Variants in ZFP3 observed in about 807,000 individuals in gnomAD.
ZFP3 encodes the protein zinc finger protein 3 homolog.
ZFP3 carries 18 observed loss-of-function variants against 36.7 expected under a neutral mutation model. The observed-to-expected ratio is 0.49, with a 90% confidence interval of 0.34 to 0.73. The LOEUF (loss-of-function observed/expected upper bound fraction) is 0.73. Among genes scored for constraint, ZFP3 ranks in the 30% least tolerant of loss-of-function variants. The pLI, the probability that ZFP3 is intolerant of heterozygous loss-of-function variation, is 0.01. For synonymous variants in ZFP3, 218 were observed against 199.0 expected, an observed-to-expected ratio of 1.10 and a Z score of -0.81; for missense variants, 495 against 599.0, an observed-to-expected ratio of 0.83 and a Z score of 1.81.
At chr17:5,086,608 A>C (rs1244568151) in intron 1 of ZFP3, among the ~76,000 whole-genome samples, 2 of 149,452 alleles carry the variant, frequency 1.3e-5, no homozygotes, top group Admixed American at 6.6e-5. Flanking sequence ...TTTTTTAAAG[A>C]AGCAGCAAAT....
rs2072174382 is a variant in ZFP3, at chr17:5,095,231, AG to A, written c.*2221del. The A allele has an allele frequency of 6.0e-6, 1 of 167,102 alleles. No individual in the cohort carries two copies. The highest frequency in any genetic ancestry group is 2.1e-4 in the South Asian group (1 of 4,830). 10.4% of individuals were successfully genotyped at this position (167,102 alleles called of 1,614,324 possible). On this transcript the variant is annotated 3_prime_UTR_variant, in exon 2 of 2. Coordinates refer to ENST00000318833, the MANE Select transcript of ZFP3 (RefSeq NM_153018.3). Reference sequence around the variant, plus strand: ...AGGTTTATATCCTTGGCTTGAGAAAAGGGTTGTACAAATAGATGATTGCAGA... The same window carrying A: ...AGGTTTATATCCTTGGCTTGAGAAAAGGTTGTACAAATAGATGATTGCAGA...
intron 1 of ZFP3, among the ~76,000 whole-genome samples, chr17:5,081,758 C>T (rs1050651801): frequency 2.0e-5 from 3 of 151,542 alleles, no homozygotes; most frequent in Admixed American, 6.6e-5. Context: ...CCTGCCACCA[C>T]GCCCGGCTAA....
At chr17:5,081,248 C>G (rs1264608330) in intron 1 of ZFP3, among the ~76,000 whole-genome samples, 4 of 152,018 alleles carry the variant, frequency 2.6e-5, no homozygotes, top group Non-Finnish European at 5.9e-5. Flanking sequence ...TGCCTTCCAC[C>G]ACACCTGGCT....
In ZFP3 at chr17:5,091,049, T is replaced by G. The variant is rs112457080; in HGVS notation, c.-8-448T>G. On this transcript the variant is annotated intron_variant, in intron 1 of 1. Coordinates refer to ENST00000318833, the MANE Select transcript of ZFP3 (RefSeq NM_153018.3). ...CCCTAGATGTTTTCTTTAATCACCTTCAGGTTCTAACCCAACTCACCGTTA... is the reference window on the plus strand; with the variant it reads ...CCCTAGATGTTTTCTTTAATCACCTGCAGGTTCTAACCCAACTCACCGTTA... 7.6e-3 allele frequency among the ~76,000 whole-genome samples: 1,161 copies of G among 152,272 alleles called. 19 individuals are homozygous for G. Among genetic ancestry groups the G allele is most frequent in the African/African-American group, 0.024 (1,008 of 41,552 alleles).
At position 5,080,535 on chromosome 17, in the gene ZFP3, CTCA is replaced by C. The variant is rs150260752; in HGVS notation, c.-9+1965_-9+1967del. Among the ~76,000 whole-genome samples the C allele has an allele frequency of 5.2e-3, 795 of 152,244 alleles. 10 individuals are homozygous for C. The highest frequency in any genetic ancestry group is 0.018 in the African/African-American group (739 of 41,516). ...GTTGACATCCAAAACATTTCCATTTCTCATCATAAATTTTAATGAGTTTCAAAG... is the reference window on the plus strand; with the variant it reads ...GTTGACATCCAAAACATTTCCATTTCTCATAAATTTTAATGAGTTTCAAAG... On this transcript the variant is annotated intron_variant, in intron 1 of 1. Coordinates refer to ENST00000318833, the MANE Select transcript of ZFP3 (RefSeq NM_153018.3).
At chr17:5,081,694 C>T (rs1022681505) in intron 1 of ZFP3, among the ~76,000 whole-genome samples, 4 of 151,140 alleles carry the variant, frequency 2.6e-5, no homozygotes, top group African/African-American at 7.3e-5. Flanking sequence ...CTCTGCCTCC[C>T]GGGTTCACGC....
intron 1 of ZFP3, among the ~76,000 whole-genome samples, chr17:5,086,229 T>G (rs563574826): frequency 2.0e-5 from 3 of 152,278 alleles, no homozygotes; most frequent in African/African-American, 7.2e-5. Context: ...GAGATCAGGT[T>G]CCTTCCAGGT....
At position 5,086,958 on chromosome 17, in the gene ZFP3, G is replaced by T. The variant is rs542668624; in HGVS notation, c.-8-4539G>T. ...TTAGCCAAGATGGTCTCGATCTCCT[G>T]ACCTCATGATCTGCCTGCCTTGGCC... On this transcript the variant is annotated intron_variant, in intron 1 of 1. Coordinates refer to ENST00000318833, the MANE Select transcript of ZFP3 (RefSeq NM_153018.3). Among the ~76,000 whole-genome samples, 389 of 151,868 alleles carry T rather than the reference G, an allele frequency of 2.6e-3. 5 individuals carry two copies. Among genetic ancestry groups the T allele is most frequent in the African/African-American group, 9.0e-3 (374 of 41,440 alleles).
intron 1 of ZFP3, among the ~76,000 whole-genome samples, chr17:5,084,263 G>A (rs1339345201): frequency 7.7e-6 from 1 of 129,544 alleles, no homozygotes; most frequent in East Asian, 2.5e-4. Context: ...CGTTGTGAAT[G>A]AGGCTTTTTT....
intron 1 of ZFP3, among the ~76,000 whole-genome samples, chr17:5,080,610 C>G (rs1020359930): frequency 1.3e-5 from 2 of 152,000 alleles, no homozygotes; most frequent in African/African-American, 4.8e-5. Context: ...AAAATAAAAC[C>G]TCATCCCAGT....
chr17:5,088,900 G>T (rs1384018762), intron 1 of ZFP3, among the ~76,000 whole-genome samples: 1 of 152,146 alleles, frequency 6.6e-6, no homozygotes, highest in African/African-American at 2.4e-5. Context: ...ACATTCCCAT[G>T]CCCCCTTGAG....
In ZFP3 at chr17:5,094,636, A is replaced by G. The variant is rs1182062146; in HGVS notation, c.*1623A>G. The G allele has an allele frequency of 5.4e-5, 9 of 167,080 alleles. No individual in the cohort carries two copies. Among genetic ancestry groups the G allele is most frequent in the Non-Finnish European group, 1.0e-4 (7 of 68,118 alleles). The allele number at this position is 167,080 out of a possible 1,614,324, so 10.3% of individuals were successfully genotyped here. On this transcript the variant is annotated 3_prime_UTR_variant, in exon 2 of 2. Transcript: ENST00000318833. ...AGCCCGATAATTCCTTAATTCTTTA[A>G]AAATTTAACTTTATATATCTTTATT...
In ZFP3 at chr17:5,092,192, T is replaced by C; in HGVS notation, c.688T>C (p.Cys230Arg). The change falls in exon 2 of 2, where the codon TGT (cysteine) becomes CGT (arginine). Residue 230 changes from cysteine (C) to arginine (R), a missense_variant. Around this residue, in one of 3 missense-constraint regions of ZFP3, gnomAD observed 103 missense variants for 186.8 expected, o/e 0.55. Coordinates refer to ENST00000318833, the MANE Select transcript of ZFP3 (RefSeq NM_153018.3). This position sits in a 1 kb window ranked among gnomAD's most constrained non-coding sequence, Gnocchi z 5.0. The part of the protein sequence containing the change: ...TGERPYKCEE[C>R]GKAFSQNSAL... The stretch of plus-strand genomic sequence containing the variant: ...AGAGAGACCCTATAAATGTGAAGAA[T>C]GTGGTAAAGCCTTCAGTCAAAATTC... 1.9e-6 allele frequency: 3 copies of C among 1,614,184 alleles called. No homozygotes were observed. Among genetic ancestry groups the C allele is most frequent in the Non-Finnish European group, 2.5e-6 (3 of 1,180,030 alleles).
rs780682484 is a variant in ZFP3 at position 5,091,777 on chromosome 17, T to C, written c.273T>C (p.Ser91=). ...AGAAAGACCGGGAGAATAATGAGAGTGAGAGAGGCTGCAGTCCCAGCCCAA... is the reference window on the plus strand; with the variant it reads ...AGAAAGACCGGGAGAATAATGAGAGCGAGAGAGGCTGCAGTCCCAGCCCAA... ...SSEKDRENNE[S]ERGCSPSPNL... is the part of the protein sequence containing the mutation. The change falls in exon 2 of 2, where the codon AGT becomes AGC. Residue 91 remains serine (S), a synonymous_variant. Coordinates refer to ENST00000318833, the MANE Select transcript of ZFP3 (RefSeq NM_153018.3). 6.2e-7 allele frequency: 1 copy of C among 1,613,792 alleles called. No individual in the cohort carries two copies. Among genetic ancestry groups the C allele is most frequent in the Non-Finnish European group, 8.5e-7 (1 of 1,179,970 alleles).
Position 5,093,175 on chromosome 17 carries a change from CTTTTTT to C in ZFP3, c.*175_*180del, listed in dbSNP as rs61053618. 36 of 490,090 alleles carry C rather than the reference CTTTTTT, an allele frequency of 7.3e-5. No homozygotes were observed. The highest frequency in any genetic ancestry group is 1.9e-4 in the South Asian group (5 of 26,054). The allele number at this position is 490,090 out of a possible 1,614,324, so 30.4% of individuals were successfully genotyped here. Reference sequence around the variant, plus strand: ...ATAGTTGGTTGAAGAAGATGAGGCACTTTTTTTTTTTTTTTTTTAAGCATTGGGGTC... The same window carrying C: ...ATAGTTGGTTGAAGAAGATGAGGCACTTTTTTTTTTTTAAGCATTGGGGTC... On this transcript the variant is annotated 3_prime_UTR_variant, in exon 2 of 2. Transcript: ENST00000318833.
rs185047378 is a variant in ZFP3 at position 5,088,594 on chromosome 17, G to A, written c.-8-2903G>A. On this transcript the variant is annotated intron_variant, in intron 1 of 1. Transcript: ENST00000318833. ...CTCCCAAAGTGCTGGGACTACAGGC[G>A]CCCGCCACCATGCCCGGCTAATTTT... Among the ~76,000 whole-genome samples, 46 of 151,354 alleles carry A rather than the reference G, an allele frequency of 3.0e-4. No homozygotes were observed. In the East Asian group the frequency reaches 5.5e-3, roughly 18 times the overall value.
rs1266474728 is a variant in ZFP3, at chr17:5,095,911, CG to C, written c.*2899del. The C allele has an allele frequency of 1.2e-5, 2 of 166,754 alleles. No homozygotes were observed. The highest frequency in any genetic ancestry group is 1.9e-4 in the East Asian group (1 of 5,178). The allele number at this position is 166,754 out of a possible 1,614,324, so 10.3% of individuals were successfully genotyped here. A position where few individuals can be genotyped will look rare whatever the true frequency, so the allele number is the denominator to read the frequency against. On this transcript the variant is annotated 3_prime_UTR_variant, in exon 2 of 2. Transcript: ENST00000318833. ...CCATGTTCTTAAGGGGGAGGTCTCACGTCTCATTCCCAGAAAAGTCTACCAT... is the reference window on the plus strand; with the variant it reads ...CCATGTTCTTAAGGGGGAGGTCTCACTCTCATTCCCAGAAAAGTCTACCAT...
Position 5,092,966 on chromosome 17 carries a change from C to T in ZFP3, c.1462C>T (p.Arg488Trp), listed in dbSNP as rs763913364. Reference sequence around the variant, plus strand: ...CCAAGAATGTCAGAAGACTTTTAGTCGGAGCTCTCACCTCCTCCGACATCA... The same window carrying T: ...CCAAGAATGTCAGAAGACTTTTAGTTGGAGCTCTCACCTCCTCCGACATCA... ...ECQECQKTFS[R>W]SSHLLRHQSV... The change falls in exon 2 of 2, where the codon CGG (arginine) becomes TGG (tryptophan). Residue 488 changes from arginine (R) to tryptophan (W), a missense_variant. Coordinates refer to ENST00000318833, the MANE Select transcript of ZFP3 (RefSeq NM_153018.3). This position sits in a 1 kb window ranked among gnomAD's most constrained non-coding sequence, Gnocchi z 5.0. 6.2e-6 allele frequency: 10 copies of T among 1,611,872 alleles called. No individual in the cohort carries two copies. The highest frequency in any genetic ancestry group is 1.7e-5 in the Admixed American group (1 of 59,666).
At chr17:5,089,922 T>TA (rs1389903997) in intron 1 of ZFP3, among the ~76,000 whole-genome samples, 2 of 152,168 alleles carry the variant, frequency 1.3e-5, no homozygotes, top group African/African-American at 4.8e-5. Flanking sequence ...CCTCCCAAAG[T>TA]ACTGGAATTA....
Sources: gnomAD v4.1 joint callset for allele counts (sites outside exome capture counted in the v4.1 genomes callset) on GRCh38, gnomAD v4.1.1 for gene constraint, gnomAD v4.1.1 regional missense constraint, Gnocchi (gnomAD v3.1) non-coding constraint, MANE v1.5 for transcripts, NCBI Gene and HGNC (gene_info 2026-07-23, HGNC 2026-07-21) for gene names.